Variants in SLC6A2 observed in about 807,000 individuals in gnomAD.
The protein encoded by SLC6A2 is sodium-dependent noradrenaline transporter.
A neutral mutation model predicts 71.7 loss-of-function variants in SLC6A2; 26 were observed. The ratio of observed to expected loss-of-function variants is 0.36; its 90% CI spans 0.27 to 0.50. SLC6A2 has a LOEUF of 0.50. Among genes scored for constraint, SLC6A2 ranks in the 20% least tolerant of loss-of-function variants. The probability of loss-of-function intolerance (pLI) is 0.96; values close to 1 mark genes in which losing one functional copy is unlikely to be tolerated. For missense variants in SLC6A2, 581 were observed against 803.9 expected (o/e 0.72, Z 3.35); for synonymous variants, 363 against 337.9 (o/e 1.07, Z -0.82).
Position 55,705,461 on chromosome 16 carries a change from G to A in SLC6A2, c.*3115G>A, listed in dbSNP as rs1195135048. 3.6e-5 allele frequency: 20 copies of A among 551,058 alleles called. No individual in the cohort carries two copies. Among genetic ancestry groups the A allele is most frequent in the Admixed American group, 9.7e-5 (3 of 30,964 alleles). The allele number at this position is 551,058 out of a possible 1,614,324, so 34.1% of individuals were successfully genotyped here. On this transcript the variant is annotated 3_prime_UTR_variant, in exon 15 of 15. Coordinates refer to ENST00000568943, the MANE Select transcript of SLC6A2 (RefSeq NM_001172501.3). Reference sequence around the variant, plus strand: ...TTGTTTATTTCCTTCGAAAGCCACCGAAGAGAGAAAAACAGAGAAGGTGTG... The same window carrying A: ...TTGTTTATTTCCTTCGAAAGCCACCAAAGAGAGAAAAACAGAGAAGGTGTG...
chr16:55,696,850 G>A (rs937366119), intron 9 of SLC6A2, among the ~76,000 whole-genome samples: 5 of 152,154 alleles, frequency 3.3e-5, no homozygotes, highest in Non-Finnish European at 5.9e-5. Context: ...TGAGCATGGT[G>A]TTGTATGCCT....
intron 13 of SLC6A2, 41 bp downstream of exon 13, chr16:55,700,347 G>A: frequency 1.3e-6 from 2 of 1,562,610 alleles, no homozygotes; most frequent in Non-Finnish European, 1.8e-6. Context: ...GTGGGAGGGG[G>A]CTGAGGGGGA....
chr16:55,669,310 C>G (rs943264718), intron 2 of SLC6A2, among the ~76,000 whole-genome samples: 3 of 152,216 alleles, frequency 2.0e-5, no homozygotes, highest in African/African-American at 7.2e-5. Flanking sequence ...GAGAAGCCTG[C>G]AAGAAGCAAA....
Position 55,656,469 on chromosome 16 carries a change from C to T in SLC6A2, c.-51-175C>T. The T allele has an allele frequency of 3.3e-6, 2 of 602,194 alleles. No individual in the cohort carries two copies. Among genetic ancestry groups the T allele is most frequent in the Admixed American group, 2.8e-5 (1 of 35,534 alleles). 37.3% of individuals were successfully genotyped at this position (602,194 alleles called of 1,614,324 possible). A position where few individuals can be genotyped will look rare whatever the true frequency, so the allele number is the denominator to read the frequency against. On this transcript the variant is annotated intron_variant, in intron 1 of 14. Transcript: ENST00000568943. This position sits in a 1 kb window ranked among gnomAD's most constrained non-coding sequence, Gnocchi z 4.5. ...GAAGTCTCCAACTCTTGAGTTCCGG[C>T]GTGCCCCAACCTCTGTTTCCAAATT...
At chr16:55,684,746 C>T (rs1001681183) in intron 4 of SLC6A2, among the ~76,000 whole-genome samples, 5 of 152,168 alleles carry the variant, frequency 3.3e-5, no homozygotes, top group African/African-American at 4.8e-5. Context: ...AAATATCCTC[C>T]GGGGTGGGGG....
intron 4 of SLC6A2, among the ~76,000 whole-genome samples, chr16:55,679,649 A>T (rs1316729548): frequency 6.6e-6 from 1 of 152,324 alleles, no homozygotes; most frequent in African/African-American, 2.4e-5. Context: ...GACTAACAGG[A>T]TGAGAAGTTA....
At position 55,705,223 on chromosome 16, in the gene SLC6A2, C is replaced by T. The variant is rs1358757599; in HGVS notation, c.*2877C>T. 12 of 1,535,584 alleles carry T rather than the reference C, an allele frequency of 7.8e-6. No individual in the cohort carries two copies. Among genetic ancestry groups the T allele is most frequent in the East Asian group, 4.9e-5 (2 of 40,900 alleles). On this transcript the variant is annotated 3_prime_UTR_variant, in exon 15 of 15. Coordinates refer to ENST00000568943, the MANE Select transcript of SLC6A2 (RefSeq NM_001172501.3). ...TTTTAGCTTTCATTCTAGATGAAAA[C>T]GAGACAAGGGAGAAGGAGAGCTACC... is the stretch of plus-strand genomic sequence containing the variant.
intron 3 of SLC6A2, chr16:55,671,610 C>T (rs1964917028): frequency 3.9e-6 from 2 of 512,256 alleles, no homozygotes; most frequent in Non-Finnish European, 3.4e-6. Context: ...TCAGATCAGC[C>T]GCTGCACTAG....
At chr16:55,701,504 G>C (rs1485072587) in intron 13 of SLC6A2, among the ~76,000 whole-genome samples, 1 of 152,140 alleles carries the variant, frequency 6.6e-6, no homozygotes, top group Non-Finnish European at 1.5e-5. Flanking sequence ...CACTCTCCCT[G>C]CTGCACTTTC....
intron 2 of SLC6A2, among the ~76,000 whole-genome samples, chr16:55,668,759 G>T (rs924538850): frequency 6.6e-6 from 1 of 152,172 alleles, no homozygotes; most frequent in East Asian, 1.9e-4. Context: ...GGTGCCCAGG[G>T]ACCCCATGAA....
intron 12 of SLC6A2, 23 bp from the exon 13 acceptor site, chr16:55,700,116 C>T (rs1389298302): frequency 1.2e-6 from 2 of 1,609,776 alleles, no homozygotes; most frequent in East Asian, 2.2e-5. Context: ...CTTCCTTTCT[C>T]TCCCTTCTCT....
chr16:55,669,097 C>A (rs1359753619), intron 2 of SLC6A2, among the ~76,000 whole-genome samples: 1 of 152,140 alleles, frequency 6.6e-6, no homozygotes, highest in African/African-American at 2.4e-5. Context: ...ATTAGAAACT[C>A]CGTCATGTAA....
intron 2 of SLC6A2, among the ~76,000 whole-genome samples, chr16:55,657,717 A>G (rs1254723046): frequency 6.6e-6 from 1 of 152,126 alleles, no homozygotes; most frequent in African/African-American, 2.4e-5. Flanking sequence ...AGGGGCCTGA[A>G]GAAGACTCCA....
Position 55,691,951 on chromosome 16 carries a change from G to T in SLC6A2, c.817G>T (p.Val273Leu). 7 of 1,613,966 alleles carry T rather than the reference G, an allele frequency of 4.3e-6. No homozygotes were observed. The highest frequency in any genetic ancestry group is 5.9e-6 in the Non-Finnish European group (7 of 1,179,990). ...GATCACAGCCACGCTGCCTTACTTC[G>T]TGCTGTTCGTGCTCCTGGTCCATGG... The part of the protein sequence containing the change: ...VWITATLPYF[V>L]LFVLLVHGVT... Residue 273 changes from valine (V) to leucine (L), a missense_variant, in exon 6 of 15, where the codon GTG becomes TTG. Coordinates refer to ENST00000568943, the MANE Select transcript of SLC6A2 (RefSeq NM_001172501.3).
chr16:55,663,807 G>A (rs999791625), intron 2 of SLC6A2, among the ~76,000 whole-genome samples: 2 of 152,086 alleles, frequency 1.3e-5, no homozygotes, highest in Non-Finnish European at 2.9e-5. Flanking sequence ...ATCTCTCCAA[G>A]GTAGGATTTT....
At chr16:55,683,611 C>T (rs1002106347) in intron 4 of SLC6A2, among the ~76,000 whole-genome samples, 1 of 122,260 alleles carries the variant, frequency 8.2e-6, no homozygotes, top group Non-Finnish European at 1.9e-5. Flanking sequence ...GAAACTCCGT[C>T]TCAAACAAAC....
intron 8 of SLC6A2, among the ~76,000 whole-genome samples, chr16:55,695,778 C>T (rs148522973): frequency 4.6e-5 from 7 of 152,260 alleles, no homozygotes; most frequent in East Asian, 1.9e-4. Context: ...CATTGTCTGG[C>T]GTCACCCAGC....
intron 11 of SLC6A2, among the ~76,000 whole-genome samples, chr16:55,698,994 C>G (rs925568710): frequency 6.6e-6 from 1 of 152,130 alleles, no homozygotes; most frequent in Non-Finnish European, 1.5e-5. Context: ...TCAAACTTAA[C>G]TGGGTATCTT....
Position 55,702,427 on chromosome 16 carries a change from T to C in SLC6A2, c.*81T>C. The C allele has an allele frequency of 6.2e-7, 1 of 1,612,888 alleles. No individual in the cohort carries two copies. The highest frequency in any genetic ancestry group is 1.7e-5 in the Admixed American group (1 of 59,830). ...CGCTGCGCTCCCACCTCGGACACCATCTTGGGATTCCTCCCCTGGAAGTTG... is the reference window on the plus strand; with the variant it reads ...CGCTGCGCTCCCACCTCGGACACCACCTTGGGATTCCTCCCCTGGAAGTTG... On this transcript the variant is annotated 3_prime_UTR_variant, in exon 15 of 15. Coordinates refer to ENST00000568943, the MANE Select transcript of SLC6A2 (RefSeq NM_001172501.3).
Sources: allele counts gnomAD v4.1 joint callset (sites outside exome capture counted in the v4.1 genomes callset), GRCh38; gene constraint gnomAD v4.1.1; non-coding constraint Gnocchi (gnomAD v3.1); transcripts MANE v1.5; gene names NCBI Gene and HGNC (gene_info 2026-07-23, HGNC 2026-07-21).